SNAP91: variants seen among roughly 807,000 people sequenced by gnomAD.
SNAP91 encodes clathrin coat assembly protein AP180.
SNAP91 carries 27 observed loss-of-function variants against 100.3 expected under a neutral mutation model. The ratio of observed to expected loss-of-function variants is 0.27; its 90% confidence interval spans 0.20 to 0.37. The LOEUF is 0.37. SNAP91 is among the 10% of genes least tolerant of loss of function. The pLI is 1.00. For missense variants in SNAP91, 986 were observed against 1,123.7 expected, an observed-to-expected ratio of 0.88 and a Z score of 1.75; for synonymous variants, 404 against 398.6, an observed-to-expected ratio of 1.01 and a Z score of -0.16.
intron 8 of SNAP91, among the ~76,000 whole-genome samples, chr6:83,639,358 A>G (rs1562463155): frequency 6.6e-6 from 1 of 152,312 alleles, no homozygotes; most frequent in African/African-American, 2.4e-5. Flanking sequence ...ATTATGAACA[A>G]TGTGATTTAA....
chr6:83,611,214 T>C (rs747449539), intron 11 of SNAP91, among the ~76,000 whole-genome samples: 50 of 151,906 alleles, frequency 3.3e-4, no homozygotes, highest in Non-Finnish European at 4.9e-4. Flanking sequence ...TCCCCCCCCA[T>C]GGCTGTAATA....
chr6:83,646,447 G>A lies in SNAP91; in HGVS notation c.659-5245C>T, dbSNP rs142688196. On this transcript the variant is annotated intron_variant, in intron 7 of 29. Transcript: ENST00000369694. ...AGATTAATTTTTTTGGTGTATGCACGTCCAGTTGTTCCAGCACCATTTGTT... is the reference window on the plus strand; with the variant it reads ...AGATTAATTTTTTTGGTGTATGCACATCCAGTTGTTCCAGCACCATTTGTT... 6.1e-4 allele frequency among the ~76,000 whole-genome samples: 93 copies of A among 152,258 alleles called. 1 individual carries two copies. The East Asian group carries it at 0.017, about 28-fold the overall frequency.
intron 26 of SNAP91, among the ~76,000 whole-genome samples, chr6:83,568,538 A>G (rs1800975097): frequency 6.6e-6 from 1 of 152,052 alleles, no homozygotes; most frequent in African/African-American, 2.4e-5. Context: ...GCACTGTAAA[A>G]CAGGAATAAG....
chr6:83,612,185 T>C (rs1045201952), intron 11 of SNAP91, among the ~76,000 whole-genome samples: 2 of 152,162 alleles, frequency 1.3e-5, no homozygotes, highest in Non-Finnish European at 2.9e-5. Flanking sequence ...ACATGTAGTT[T>C]GGCTAAATGT....
intron 3 of SNAP91, among the ~76,000 whole-genome samples, chr6:83,664,522 AT>A (rs1234909338): frequency 6.6e-6 from 1 of 152,124 alleles, no homozygotes; most frequent in Non-Finnish European, 1.5e-5. Context: ...GTGTGGGAAA[AT>A]AGCAAGGGAA....
chr6:83,610,199 A>G (rs1028077978), intron 12 of SNAP91, among the ~76,000 whole-genome samples: 1 of 152,154 alleles, frequency 6.6e-6, no homozygotes, highest in African/African-American at 2.4e-5. Flanking sequence ...AAATGATACA[A>G]GCAACCAAAT....
At chr6:83,662,473 A>C (rs2098559013) in intron 3 of SNAP91, 51 bp from the exon 4 acceptor site, 1 of 770,772 alleles carries the variant, frequency 1.3e-6, no homozygotes, top group African/African-American at 1.8e-5. Context: ...CATACTTTTA[A>C]ACAATTTCTG....
intron 8 of SNAP91, among the ~76,000 whole-genome samples, chr6:83,634,237 C>A (rs1443930473): frequency 1.3e-5 from 2 of 152,142 alleles, no homozygotes; most frequent in African/African-American, 4.8e-5. Flanking sequence ...GCTAGGGGAC[C>A]CAGTAAGCCC....
chr6:83,656,616 C>T (rs1165332085), intron 7 of SNAP91, 138 bp downstream of exon 7: 13 of 521,342 alleles, frequency 2.5e-5, no homozygotes, highest in Admixed American at 1.6e-4. Flanking sequence ...GCCAGTACCA[C>T]CATCTGTGGA....
At chr6:83,643,541 T>C (rs974926839) in intron 7 of SNAP91, among the ~76,000 whole-genome samples, 2 of 152,204 alleles carry the variant, frequency 1.3e-5, no homozygotes, top group Admixed American at 1.3e-4. Flanking sequence ...TCTGTTCCAT[T>C]GGTCTATATC....
chr6:83,653,886 G>T (rs2098305493), intron 7 of SNAP91, among the ~76,000 whole-genome samples: 1 of 152,066 alleles, frequency 6.6e-6, no homozygotes, highest in Non-Finnish European at 1.5e-5. Flanking sequence ...CTGGAGTTGG[G>T]TATTTCTCTT....
At chr6:83,687,966 G>A (rs910430474) in intron 2 of SNAP91, among the ~76,000 whole-genome samples, 1 of 152,142 alleles carries the variant, frequency 6.6e-6, no homozygotes. Context: ...GATAGGTTGA[G>A]GGACGTGGAA....
At chr6:83,605,932 G>A in intron 13 of SNAP91, 129 bp from the exon 14 acceptor site, 1 of 822,756 alleles carries the variant, frequency 1.2e-6, no homozygotes, top group Non-Finnish European at 1.9e-6. Context: ...ATAATACTTT[G>A]GAAAGTATAG....
Position 83,593,593 on chromosome 6 carries a change from A to C in SNAP91, c.1581T>G (p.Pro527=). 7 of 1,577,730 alleles carry C rather than the reference A, an allele frequency of 4.4e-6. No individual in the cohort carries two copies. Among genetic ancestry groups the C allele is most frequent in the Non-Finnish European group, 6.0e-6 (7 of 1,161,860 alleles). ...TGGCAGCAGCAGCAGCTGCAACGGC[A>C]GGAGCAGGAGAAGGAGCAGTTGCGG... is the stretch of plus-strand genomic sequence containing the variant. The part of the protein sequence containing the change: ...PVPATAPSPA[P]AVAAAAAATT... Residue 527 remains proline (P), a synonymous_variant, in exon 18 of 30, where the codon CCT becomes CCG. Coordinates refer to ENST00000369694, the MANE Select transcript of SNAP91 (RefSeq NM_001242792.2).
chr6:83,564,083 C>T (rs988612731), intron 26 of SNAP91, among the ~76,000 whole-genome samples: 1 of 152,086 alleles, frequency 6.6e-6, no homozygotes, highest in Admixed American at 6.5e-5. Context: ...GGGAATCACA[C>T]TTCCTGGTTT....
At chr6:83,606,621 C>T (rs2095631929) in intron 13 of SNAP91, among the ~76,000 whole-genome samples, 1 of 152,178 alleles carries the variant, frequency 6.6e-6, no homozygotes, top group African/African-American at 2.4e-5. Flanking sequence ...TAAAAGTTAC[C>T]AGGCCAGGTG....
chr6:83,608,260 T>C (rs1211089338), intron 12 of SNAP91, among the ~76,000 whole-genome samples: 1 of 152,158 alleles, frequency 6.6e-6, no homozygotes, highest in African/African-American at 2.4e-5. Context: ...TCCAGAAATC[T>C]AACTTGCAAA....
chr6:83,601,745 T>C (rs2095251513), intron 14 of SNAP91, 146 bp from the exon 15 acceptor site: 1 of 744,420 alleles, frequency 1.3e-6, no homozygotes, highest in Non-Finnish European at 2.3e-6. Flanking sequence ...AATTAAAAAA[T>C]AAATGTACTA....
chr6:83,569,888 T>C (rs576829531), intron 26 of SNAP91, among the ~76,000 whole-genome samples: 6 of 152,322 alleles, frequency 3.9e-5, no homozygotes, highest in African/African-American at 1.4e-4. Context: ...TCCCCAGCCA[T>C]GTGGAACTGT....
Sources: allele counts gnomAD v4.1 joint callset (sites outside exome capture counted in the v4.1 genomes callset), GRCh38; gene constraint gnomAD v4.1.1; transcripts MANE v1.5; gene names NCBI Gene and HGNC (gene_info 2026-07-23, HGNC 2026-07-21).